The following CSMD1 variants were observed in gnomAD, a reference collection of about 807,000 sequenced individuals.
CSMD1 encodes the protein CUB and Sushi multiple domains 1.
CSMD1 carries 213 observed loss-of-function variants against 417.5 expected under a neutral mutation model. The observed-to-expected ratio is 0.51, with a 90% CI of 0.46 to 0.57. The LOEUF is 0.57. CSMD1 is among the 20% of genes least tolerant of loss of function. CSMD1 has a pLI of 0.00. For synonymous variants in CSMD1, 2,862 were observed against 1,736.8 expected (o/e 1.65, Z -16.11); for missense variants, 6,923 against 4,529.7 (o/e 1.53, Z -15.17).
chr8:4,201,531 C>A (rs904138400), intron 3 of CSMD1, among the ~76,000 whole-genome samples: 4 of 89,218 alleles, frequency 4.5e-5, no homozygotes, highest in African/African-American at 1.9e-4. Context: ...GATCCAGACT[C>A]TGTCTCCACA....
intron 40 of CSMD1, among the ~76,000 whole-genome samples, chr8:3,145,399 A>G (rs943839123): frequency 2.6e-5 from 4 of 152,218 alleles, no homozygotes; most frequent in Non-Finnish European, 4.4e-5. Flanking sequence ...GAACCGGCAC[A>G]GTCACGAAAC....
chr8:4,289,100 A>C lies in CSMD1; in HGVS notation c.415+130853T>G, dbSNP rs1373123348. ...TAAAATTATATTTGGTGTAACAGCA[A>C]AAGAAAAATTTTACAAAATGAATTA... On this transcript the variant is annotated intron_variant, in intron 3 of 69. Coordinates refer to ENST00000635120, the MANE Select transcript of CSMD1 (RefSeq NM_033225.6). Among the ~76,000 whole-genome samples, 2 of 152,198 alleles carry C rather than the reference A, an allele frequency of 1.3e-5. 1 individual carries two copies.
intron 3 of CSMD1, among the ~76,000 whole-genome samples, chr8:4,419,291 C>A (rs117856448): frequency 3.3e-3 from 504 of 152,210 alleles, no homozygotes; most frequent in Admixed American, 8.2e-3. Flanking sequence ...AGACACACAT[C>A]GGCCTTTAAA....
chr8:4,748,702 C>G (rs552467105), intron 1 of CSMD1, among the ~76,000 whole-genome samples: 8 of 152,108 alleles, frequency 5.3e-5, no homozygotes, highest in Non-Finnish European at 1.0e-4. Context: ...TAGCCCACAC[C>G]TGAGTTGCAG....
intron 10 of CSMD1, among the ~76,000 whole-genome samples, chr8:3,514,068 T>C (rs1797188411): frequency 6.6e-6 from 1 of 152,152 alleles, no homozygotes; most frequent in African/African-American, 2.4e-5. Context: ...CCCTGTGTTC[T>C]TTAGTTTTTC....
At chr8:4,150,916 C>G (rs534749253) in intron 3 of CSMD1, among the ~76,000 whole-genome samples, 7 of 137,876 alleles carry the variant, frequency 5.1e-5, no homozygotes, top group East Asian at 2.1e-4. Flanking sequence ...TTTGTTCCCT[C>G]TCCTGTGCTT....
intron 5 of CSMD1, among the ~76,000 whole-genome samples, chr8:3,827,188 A>C (rs538551541): frequency 6.6e-6 from 1 of 152,226 alleles, no homozygotes; most frequent in Non-Finnish European, 1.5e-5. Flanking sequence ...GAGGTATTAC[A>C]TATTCTCCCA....
At chr8:3,918,478 C>T (rs767894518) in intron 5 of CSMD1, among the ~76,000 whole-genome samples, 6 of 152,004 alleles carry the variant, frequency 3.9e-5, no homozygotes, top group East Asian at 1.9e-4. Context: ...ACCTGTTGGA[C>T]GTTTGTATGT....
At chr8:4,783,985 C>T (rs781715214) in intron 1 of CSMD1, among the ~76,000 whole-genome samples, 1 of 152,124 alleles carries the variant, frequency 6.6e-6, no homozygotes. Flanking sequence ...AGGTGCATGG[C>T]TACAATTAAT....
At chr8:3,396,994 G>A (rs1482731076) in intron 16 of CSMD1, among the ~76,000 whole-genome samples, 4 of 152,088 alleles carry the variant, frequency 2.6e-5, no homozygotes, top group East Asian at 3.9e-4. Context: ...ACTTGAGAAA[G>A]TTACAACAGC....
intron 3 of CSMD1, among the ~76,000 whole-genome samples, chr8:4,113,874 G>C (rs762662691): frequency 3.3e-5 from 5 of 152,300 alleles, no homozygotes; most frequent in African/African-American, 1.2e-4. Flanking sequence ...TATGAAGGCT[G>C]AGAGAGGTAA....
chr8:3,404,706 G>C (rs1205413551), intron 15 of CSMD1, among the ~76,000 whole-genome samples: 5 of 152,058 alleles, frequency 3.3e-5, no homozygotes, highest in Non-Finnish European at 7.4e-5. Flanking sequence ...TAACATTTTG[G>C]TGTGTAGCCT....
At chr8:3,462,817 G>A (rs549237902) in intron 12 of CSMD1, among the ~76,000 whole-genome samples, 4 of 152,260 alleles carry the variant, frequency 2.6e-5, no homozygotes, top group East Asian at 1.9e-4. Context: ...AACCTGATGT[G>A]GTCTGACTGT....
At chr8:4,219,925 C>T (rs115456663) in intron 3 of CSMD1, among the ~76,000 whole-genome samples, 2,376 of 152,184 alleles carry the variant, frequency 0.016, 67 homozygotes, top group African/African-American at 0.055. Context: ...TGGAGAGAAT[C>T]ACTCAAGATA....
At chr8:4,523,164 C>G (rs1803566634) in intron 2 of CSMD1, among the ~76,000 whole-genome samples, 1 of 152,166 alleles carries the variant, frequency 6.6e-6, no homozygotes, top group African/African-American at 2.4e-5. Flanking sequence ...TGGTAATGAT[C>G]TCGTCTATTT....
At chr8:3,559,827 C>G (rs114025352) in intron 10 of CSMD1, among the ~76,000 whole-genome samples, 1 of 151,880 alleles carries the variant, frequency 6.6e-6, no homozygotes, top group Non-Finnish European at 1.5e-5. Context: ...GGGATTAAAA[C>G]AAAACATATG....
At chr8:4,026,657 A>G (rs554979372) in intron 4 of CSMD1, among the ~76,000 whole-genome samples, 2 of 152,384 alleles carry the variant, frequency 1.3e-5, no homozygotes. Context: ...TAACACCATT[A>G]AGATATTATG....
intron 1 of CSMD1, among the ~76,000 whole-genome samples, chr8:4,725,727 G>T (rs1330978049): frequency 6.6e-6 from 1 of 152,250 alleles, no homozygotes; most frequent in South Asian, 2.1e-4. Flanking sequence ...AGATAACAGA[G>T]AAACAATTTG....
chr8:3,261,523 A>T (rs892670165), intron 26 of CSMD1, among the ~76,000 whole-genome samples: 26 of 152,266 alleles, frequency 1.7e-4, no homozygotes, highest in Admixed American at 2.6e-4. Context: ...AAATAAAATA[A>T]TTTTGAAAAG....
Sources: allele counts gnomAD v4.1 joint callset (sites outside exome capture counted in the v4.1 genomes callset), GRCh38; gene constraint gnomAD v4.1.1; transcripts MANE v1.5; gene names NCBI Gene and HGNC (gene_info 2026-07-23, HGNC 2026-07-21).